Variants in SYNPR observed in about 807,000 individuals in gnomAD.
SYNPR encodes the protein synaptoporin.
SYNPR carries 23 observed loss-of-function variants against 32.9 expected under a neutral mutation model. The ratio of observed to expected loss-of-function variants is 0.70; its 90% confidence interval spans 0.50 to 0.99. The LOEUF (loss-of-function observed/expected upper bound fraction) is 0.99. Ranked by LOEUF, SYNPR falls within the 50% of genes least tolerant of loss-of-function variation. SYNPR has a pLI of 0.00. For missense variants in SYNPR, 318 were observed against 349.3 expected (o/e 0.91, Z 0.71); for synonymous variants, 146 against 135.9 (o/e 1.07, Z -0.52).
intron 2 of SYNPR, among the ~76,000 whole-genome samples, chr3:63,403,885 C>T (rs2088325103): frequency 6.6e-6 from 1 of 152,196 alleles, no homozygotes; most frequent in Admixed American, 6.5e-5. Context: ...CTCTGGGAGC[C>T]ATCCTTGATC....
intron 3 of SYNPR, among the ~76,000 whole-genome samples, chr3:63,503,989 A>G (rs1156388932): frequency 6.6e-6 from 1 of 152,150 alleles, no homozygotes; most frequent in Non-Finnish European, 1.5e-5. Context: ...AGTATTCCAT[A>G]TTAATTTGTG....
chr3:63,559,475 G>A (rs1437156958), intron 4 of SYNPR, among the ~76,000 whole-genome samples: 1 of 152,090 alleles, frequency 6.6e-6, no homozygotes, highest in Non-Finnish European at 1.5e-5. Flanking sequence ...TAGGGACATA[G>A]TTTTTAAAAA....
At chr3:63,511,934 T>C (rs1701706247) in intron 3 of SYNPR, among the ~76,000 whole-genome samples, 1 of 152,138 alleles carries the variant, frequency 6.6e-6, no homozygotes, top group Non-Finnish European at 1.5e-5. Flanking sequence ...TACAGATGTA[T>C]TTACTCAAAA....
chr3:63,347,671 C>T (rs919290727), intron 2 of SYNPR, among the ~76,000 whole-genome samples: 40 of 152,224 alleles, frequency 2.6e-4, no homozygotes, highest in African/African-American at 9.6e-4. Flanking sequence ...TGTTATTCCA[C>T]ATTCTATGTC....
chr3:63,534,782 A>T (rs1020838140), intron 3 of SYNPR, among the ~76,000 whole-genome samples: 2 of 152,140 alleles, frequency 1.3e-5, no homozygotes, highest in African/African-American at 2.4e-5. Flanking sequence ...GTGACAGAGG[A>T]TGCAAAAGTT....
chr3:63,437,984 A>C (rs748842785), intron 2 of SYNPR, among the ~76,000 whole-genome samples: 10 of 152,180 alleles, frequency 6.6e-5, no homozygotes, highest in Non-Finnish European at 1.3e-4. Flanking sequence ...TCTCCAGCAC[A>C]ATGTCTGCCT....
At chr3:63,533,800 C>T (rs1232132903) in intron 3 of SYNPR, among the ~76,000 whole-genome samples, 1 of 152,100 alleles carries the variant, frequency 6.6e-6, no homozygotes, top group African/African-American at 2.4e-5. Context: ...TGGACATATG[C>T]CCATCCCTTG....
intron 2 of SYNPR, among the ~76,000 whole-genome samples, chr3:63,280,315 C>T (rs1198817455): frequency 1.3e-5 from 2 of 152,056 alleles, no homozygotes; most frequent in African/African-American, 4.8e-5. Context: ...TTTCAGGCTA[C>T]CAAATCAAAA....
chr3:63,433,436 T>C (rs887467602), intron 2 of SYNPR, among the ~76,000 whole-genome samples: 26 of 152,328 alleles, frequency 1.7e-4, no homozygotes, highest in African/African-American at 6.3e-4. Context: ...AAAACTGGTT[T>C]TTCTCTGCGT....
chr3:63,556,626 C>T lies in SYNPR; in HGVS notation c.293C>T (p.Ser98Leu). 2 of 1,613,870 alleles carry T rather than the reference C, an allele frequency of 1.2e-6. No homozygotes were observed. The highest frequency in any genetic ancestry group is 1.7e-6 in the Non-Finnish European group (2 of 1,179,832). ...GCATTGATTGGTGACTCCTCGTCTT[C>T]AGCAGAGTTCTTCGTCACTGTTGCT... is the stretch of plus-strand genomic sequence containing the variant. ...KLALIGDSSS[S>L]AEFFVTVAVF... The change falls in exon 4 of 6, where the codon TCA (serine) becomes TTA (leucine). Residue 98 changes from serine to leucine, a missense_variant. Transcript: ENST00000478300.
chr3:63,538,294 G>C (rs1169227662), intron 3 of SYNPR, among the ~76,000 whole-genome samples: 2 of 151,816 alleles, frequency 1.3e-5, no homozygotes, highest in African/African-American at 2.4e-5. Context: ...GAGATATGTG[G>C]GAAAATAATT....
chr3:63,470,406 T>A (rs1231411575), intron 2 of SYNPR, among the ~76,000 whole-genome samples: 1 of 152,176 alleles, frequency 6.6e-6, no homozygotes, highest in Non-Finnish European at 1.5e-5. Flanking sequence ...TTCTGCCATG[T>A]GTTGTTTTAT....
intron 4 of SYNPR, among the ~76,000 whole-genome samples, chr3:63,595,872 TA>T (rs59779508): frequency 2.4e-5 from 2 of 84,338 alleles, no homozygotes; most frequent in Non-Finnish European, 4.7e-5. Context: ...TATATATATA[TA>T]ATTTTATATA....
At chr3:63,445,392 A>G (rs1287998613) in intron 2 of SYNPR, among the ~76,000 whole-genome samples, 1 of 152,208 alleles carries the variant, frequency 6.6e-6, no homozygotes, top group Non-Finnish European at 1.5e-5. Flanking sequence ...CAATGTGCAC[A>G]GTTTTTACAA....
chr3:63,565,807 A>C (rs575722212), intron 4 of SYNPR, among the ~76,000 whole-genome samples: 1 of 152,270 alleles, frequency 6.6e-6, no homozygotes, highest in South Asian at 2.1e-4. Context: ...TTTTTCTCTG[A>C]ATAATTCTAC....
rs534654505 is a variant in SYNPR at position 63,375,016 on chromosome 3, A to T, written c.84+96274A>T. 3.5e-4 allele frequency among the ~76,000 whole-genome samples: 53 copies of T among 152,346 alleles called. No homozygotes were observed. The South Asian group carries it at 0.011, about 32-fold the overall frequency. ...TCAGAGAAATGCAAATCAAAACCAC[A>T]ATGAGATACCATCTCACACCAGTTA... On this transcript the variant is annotated intron_variant, in intron 2 of 5. Coordinates refer to ENST00000478300, the MANE Select transcript of SYNPR (RefSeq NM_001130003.2).
chr3:63,347,382 G>C (rs2087451082), intron 2 of SYNPR, among the ~76,000 whole-genome samples: 1 of 152,180 alleles, frequency 6.6e-6, no homozygotes, highest in East Asian at 1.9e-4. Context: ...TGAACCATTA[G>C]AGATGGTTTA....
chr3:63,386,822 A>G (rs1380521364), intron 2 of SYNPR, among the ~76,000 whole-genome samples: 1 of 152,216 alleles, frequency 6.6e-6, no homozygotes, highest in Non-Finnish European at 1.5e-5. Flanking sequence ...GCACTGCTGT[A>G]GGTCAGCACA....
chr3:63,203,186 C>A, the SYNPR span: 1 of 149,790 alleles, frequency 6.7e-6, no homozygotes, highest in Non-Finnish European at 1.5e-5. Context: ...TGAGAGAGGA[C>A]AGTGGGGCAG....
Sources: allele counts gnomAD v4.1 joint callset (sites outside exome capture counted in the v4.1 genomes callset), GRCh38; gene constraint gnomAD v4.1.1; transcripts MANE v1.5; gene names NCBI Gene and HGNC (gene_info 2026-07-23, HGNC 2026-07-21).